Variants in ADAM23 observed in about 807,000 individuals in gnomAD.
The protein encoded by ADAM23 is disintegrin and metalloproteinase domain-containing protein 23.
A neutral mutation model predicts 120.1 loss-of-function variants in ADAM23; 33 were observed. That is an observed-to-expected ratio of 0.27 (90% confidence interval 0.21 to 0.37). The LOEUF (loss-of-function observed/expected upper bound fraction) is 0.37. Ranked by LOEUF, ADAM23 falls within the 10% of genes least tolerant of loss-of-function variation. The pLI is 1.00. For synonymous variants in ADAM23, 367 were observed against 375.2 expected (o/e 0.98, Z 0.25); for missense variants, 862 against 1,058.2 (o/e 0.81, Z 2.57).
chr2:206,508,161 C>A (rs1288657983), intron 3 of ADAM23, among the ~76,000 whole-genome samples: 1 of 152,224 alleles, frequency 6.6e-6, no homozygotes, highest in African/African-American at 2.4e-5. Context: ...TCCCGAGTAG[C>A]TGGGACTACA....
intron 19 of ADAM23, among the ~76,000 whole-genome samples, 162 bp downstream of exon 19, chr2:206,587,537 A>G (rs964507140): frequency 2.0e-5 from 3 of 151,986 alleles, no homozygotes; most frequent in African/African-American, 7.2e-5. Flanking sequence ...TATGCCAAAT[A>G]TTAAATATAT....
In ADAM23 at chr2:206,444,094, C is replaced by G. The variant is rs1340663373; in HGVS notation, c.214+14C>G. 2 of 1,303,606 alleles carry G rather than the reference C, an allele frequency of 1.5e-6. No individual in the cohort carries two copies. The highest frequency in any genetic ancestry group is 3.1e-5 in the African/African-American group (2 of 65,142). The allele number at this position is 1,303,606 out of a possible 1,614,324, so 80.8% of individuals were successfully genotyped here. ...CTGCGCCCAGCGGTGGGTATGGCCC[C>G]GTGCCCTTTGCGTTGGCTTTCCCGC... On this transcript the variant is annotated intron_variant, in intron 1 of 25. Transcript: ENST00000264377.
At chr2:206,472,011 C>T in intron 2 of ADAM23, among the ~76,000 whole-genome samples, 1 of 152,142 alleles carries the variant, frequency 6.6e-6, no homozygotes, top group East Asian at 1.9e-4. Context: ...GTTTAATATC[C>T]AGCAAACATT....
In ADAM23 at chr2:206,471,714, G is replaced by A. The variant is rs181686765; in HGVS notation, c.433-9518G>A. Among the ~76,000 whole-genome samples the A allele has an allele frequency of 5.3e-5, 8 of 152,172 alleles. No homozygotes were observed. In the East Asian group the frequency reaches 1.2e-3, roughly 22 times the overall value. On this transcript the variant is annotated intron_variant, in intron 2 of 25. Coordinates refer to ENST00000264377, the MANE Select transcript of ADAM23 (RefSeq NM_003812.4). ...TTAGCAGAGAGAGAAGTGTTCCTTG[G>A]AGTTGTGCAGTTTGGTGATGTAGGA... is the stretch of plus-strand genomic sequence containing the variant.
At chr2:206,561,554 A>C (rs917626730) in intron 12 of ADAM23, among the ~76,000 whole-genome samples, 3 of 151,908 alleles carry the variant, frequency 2.0e-5, no homozygotes, top group Non-Finnish European at 4.4e-5. Flanking sequence ...GTTAAATTTA[A>C]CTCATTAAAA....
In ADAM23 at chr2:206,502,105, A is replaced by G. The variant is rs370970187; in HGVS notation, c.509+20797A>G. Among the ~76,000 whole-genome samples, 124 of 152,242 alleles carry G rather than the reference A, an allele frequency of 8.1e-4. 1 individual carries two copies. Among genetic ancestry groups the G allele is most frequent in the African/African-American group, 2.7e-3 (114 of 41,576 alleles). ...GATTTGGGGAATGATGGTGGTGTAT[A>G]AAAAATGATTTAGAAACCATCAGTA... On this transcript the variant is annotated intron_variant, in intron 3 of 25. Coordinates refer to ENST00000264377, the MANE Select transcript of ADAM23 (RefSeq NM_003812.4).
chr2:206,617,104 C>T (rs1034671212), intron 25 of ADAM23, among the ~76,000 whole-genome samples: 4 of 152,060 alleles, frequency 2.6e-5, no homozygotes, highest in Non-Finnish European at 4.4e-5. Flanking sequence ...CTGAAAAAAG[C>T]GAGGCTTTTT....
At chr2:206,452,883 C>T (rs1363407771) in intron 2 of ADAM23, among the ~76,000 whole-genome samples, 2 of 152,130 alleles carry the variant, frequency 1.3e-5, no homozygotes, top group African/African-American at 4.8e-5. Context: ...TCCCATGACT[C>T]CATCCCTCCC....
intron 3 of ADAM23, among the ~76,000 whole-genome samples, chr2:206,498,233 CT>C (rs1384634581): frequency 6.6e-6 from 1 of 152,268 alleles, no homozygotes; most frequent in East Asian, 1.9e-4. Flanking sequence ...AGGCATCGAG[CT>C]ACTTGACTTC....
intron 3 of ADAM23, among the ~76,000 whole-genome samples, chr2:206,489,449 A>G (rs1180836466): frequency 6.6e-6 from 1 of 152,100 alleles, no homozygotes; most frequent in East Asian, 1.9e-4. Flanking sequence ...GTCCGAAGGA[A>G]TTAGAGGAGA....
At chr2:206,582,117 A>G (rs960894662) in intron 18 of ADAM23, among the ~76,000 whole-genome samples, 4 of 152,182 alleles carry the variant, frequency 2.6e-5, no homozygotes, top group African/African-American at 7.2e-5. Context: ...ACCCCAGGTG[A>G]TCCGCCCGCC....
intron 24 of ADAM23, among the ~76,000 whole-genome samples, chr2:206,598,309 TC>T (rs1698568461): frequency 6.6e-6 from 1 of 152,164 alleles, no homozygotes. Flanking sequence ...TGCCTTTTTT[TC>T]TTTAAGTAGA....
At chr2:206,595,969 G>C in intron 23 of ADAM23, 82 bp from the exon 24 acceptor site, 1 of 1,074,316 alleles carries the variant, frequency 9.3e-7, no homozygotes, top group Non-Finnish European at 1.4e-6. Flanking sequence ...CTTCCTCCCT[G>C]CCCCCGTGTC....
At chr2:206,557,359 T>C in intron 9 of ADAM23, 68 bp from the exon 10 acceptor site, 1 of 1,271,406 alleles carries the variant, frequency 7.9e-7, no homozygotes. Flanking sequence ...TATTTCTGCT[T>C]TTACAGCATT....
intron 2 of ADAM23, among the ~76,000 whole-genome samples, chr2:206,465,488 A>ATT (rs1257904406): frequency 6.6e-6 from 1 of 152,196 alleles, no homozygotes; most frequent in Non-Finnish European, 1.5e-5. Flanking sequence ...TAAAAGTGTT[A>ATT]AATTTATTAT....
At chr2:206,572,334 GGACA>G in intron 17 of ADAM23, among the ~76,000 whole-genome samples, 1 of 152,128 alleles carries the variant, frequency 6.6e-6, no homozygotes, top group South Asian at 2.1e-4. Flanking sequence ...GTGTGTGTGT[GGACA>G]GACACAGTCT....
At chr2:206,573,902 T>C (rs1698059573) in intron 18 of ADAM23, among the ~76,000 whole-genome samples, 1 of 152,106 alleles carries the variant, frequency 6.6e-6, no homozygotes, top group Non-Finnish European at 1.5e-5. Flanking sequence ...GCTGGATGGC[T>C]TTTTAAAATG....
intron 2 of ADAM23, among the ~76,000 whole-genome samples, chr2:206,472,907 A>C (rs1046174623): frequency 1.3e-5 from 2 of 152,212 alleles, no homozygotes; most frequent in Non-Finnish European, 2.9e-5. Flanking sequence ...GGAGATGTTC[A>C]TCGTGGGTTG....
At chr2:206,562,182 A>C (rs769524420) in intron 12 of ADAM23, 21 bp from the exon 13 acceptor site, 1 of 1,605,504 alleles carries the variant, frequency 6.2e-7, no homozygotes, top group Non-Finnish European at 8.5e-7. Flanking sequence ...TCTCCCACAC[A>C]CTTTCAACTC....
Sources: gnomAD v4.1 joint callset for allele counts (sites outside exome capture counted in the v4.1 genomes callset) on GRCh38, gnomAD v4.1.1 for gene constraint, MANE v1.5 for transcripts, NCBI Gene and HGNC (gene_info 2026-07-23, HGNC 2026-07-21) for gene names.